The following SMOC2 variants were observed in gnomAD, a reference collection of about 807,000 sequenced individuals.
SMOC2 encodes the protein SPARC-related modular calcium-binding protein 2.
In SMOC2, 39 loss-of-function variants were observed where a neutral mutation model predicts 61.4. The ratio of observed to expected loss-of-function variants is 0.64; its 90% confidence interval spans 0.49 to 0.83. SMOC2 has a LOEUF of 0.83. Ranked by LOEUF, SMOC2 falls within the 40% of genes least tolerant of loss-of-function variation. The pLI, the probability that SMOC2 is intolerant of heterozygous loss-of-function variation, is 0.00. For missense variants in SMOC2, 556 were observed against 592.9 expected (o/e 0.94, Z 0.65); for synonymous variants, 247 against 239.9 (o/e 1.03, Z -0.27).
chr6:168,592,392 G>A (rs377538391), intron 7 of SMOC2, among the ~76,000 whole-genome samples: 8,062 of 97,398 alleles, frequency 0.083, 158 homozygotes, highest in East Asian at 0.15. Context: ...GAGGATCTCC[G>A]AGCTCCTCCT....
At chr6:168,491,887 AAGTG>A (rs1782476839) in intron 1 of SMOC2, among the ~76,000 whole-genome samples, 1 of 152,220 alleles carries the variant, frequency 6.6e-6, no homozygotes, top group Admixed American at 6.5e-5. Context: ...TCTCTGGAAT[AAGTG>A]CAGGTATCGC....
intron 7 of SMOC2, among the ~76,000 whole-genome samples, chr6:168,569,857 G>A (rs1562353980): frequency 6.6e-6 from 1 of 152,146 alleles, no homozygotes; most frequent in East Asian, 1.9e-4. Context: ...TCCACTTTGA[G>A]GAAGTCCCGT....
intron 1 of SMOC2, among the ~76,000 whole-genome samples, chr6:168,447,984 T>G (rs960438503): frequency 1.2e-4 from 18 of 152,292 alleles, no homozygotes; most frequent in African/African-American, 4.1e-4. Context: ...GGACATTTGA[T>G]TTCTTCTTGG....
chr6:168,660,611 C>T (rs958882206), intron 11 of SMOC2, among the ~76,000 whole-genome samples: 4 of 152,236 alleles, frequency 2.6e-5, no homozygotes, highest in East Asian at 1.9e-4. Flanking sequence ...GCCACCATGC[C>T]GCCCTGGGCG....
intron 2 of SMOC2, among the ~76,000 whole-genome samples, chr6:168,514,028 C>T (rs1317231557): frequency 2.6e-5 from 4 of 152,212 alleles, no homozygotes; most frequent in South Asian, 2.1e-4. Context: ...GGGCACACAG[C>T]GGGGTGCACA....
chr6:168,526,230 C>T (rs1295404540), intron 2 of SMOC2, 116 bp from the exon 3 acceptor site: 2 of 880,956 alleles, frequency 2.3e-6, no homozygotes, highest in African/African-American at 3.3e-5. Context: ...CCTTTCCAGC[C>T]TCCAGGTCCT....
intron 1 of SMOC2, among the ~76,000 whole-genome samples, chr6:168,447,739 G>A (rs1479282482): frequency 1.3e-5 from 2 of 151,940 alleles, no homozygotes; most frequent in African/African-American, 2.4e-5. Context: ...GAGCCCTTGA[G>A]TGCAGGTCAC....
intron 9 of SMOC2, among the ~76,000 whole-genome samples, chr6:168,625,666 C>T (rs564189597): frequency 2.0e-5 from 3 of 152,314 alleles, no homozygotes; most frequent in African/African-American, 4.8e-5. Flanking sequence ...TACGATTCTT[C>T]GAGGGCGTAT....
At chr6:168,518,968 C>T (rs887745630) in intron 2 of SMOC2, among the ~76,000 whole-genome samples, 2 of 142,156 alleles carry the variant, frequency 1.4e-5, no homozygotes, top group Non-Finnish European at 1.5e-5. Flanking sequence ...TATCCGTGCA[C>T]GCGTGTGTAT....
intron 1 of SMOC2, among the ~76,000 whole-genome samples, chr6:168,499,896 A>G (rs898657447): frequency 6.6e-6 from 1 of 152,204 alleles, no homozygotes; most frequent in African/African-American, 2.4e-5. Context: ...TGGACTAATG[A>G]TAGCATTTAA....
chr6:168,525,819 G>A (rs1036499278), intron 2 of SMOC2, among the ~76,000 whole-genome samples: 2 of 152,204 alleles, frequency 1.3e-5, no homozygotes, highest in Non-Finnish European at 2.9e-5. Context: ...CTGGGCTGCA[G>A]CTGTGGTTGG....
At chr6:168,618,740 C>G (rs1786167571) in intron 9 of SMOC2, among the ~76,000 whole-genome samples, 1 of 152,238 alleles carries the variant, frequency 6.6e-6, no homozygotes, top group South Asian at 2.1e-4. Flanking sequence ...ACGGTGCGCT[C>G]AGGACATCAG....
chr6:168,618,894 A>G (rs977975672), intron 9 of SMOC2, among the ~76,000 whole-genome samples: 7 of 151,998 alleles, frequency 4.6e-5, no homozygotes, highest in African/African-American at 1.5e-4. Flanking sequence ...TACTCCACAG[A>G]CTCCACTAAA....
intron 7 of SMOC2, among the ~76,000 whole-genome samples, chr6:168,559,516 G>A (rs909530513): frequency 2.0e-5 from 3 of 152,040 alleles, no homozygotes; most frequent in Admixed American, 1.3e-4. Context: ...CATAGTAGAA[G>A]AGATTTCACT....
intron 11 of SMOC2, among the ~76,000 whole-genome samples, chr6:168,656,308 C>T (rs1787320811): frequency 6.6e-6 from 1 of 151,898 alleles, no homozygotes; most frequent in Admixed American, 6.6e-5. Flanking sequence ...GTCAGAAGTT[C>T]AAAGTCAGCC....
intron 9 of SMOC2, among the ~76,000 whole-genome samples, chr6:168,613,427 C>G (rs1193632459): frequency 6.6e-6 from 1 of 152,118 alleles, no homozygotes; most frequent in Non-Finnish European, 1.5e-5. Flanking sequence ...TGCCCTGTAC[C>G]CCAAGCCAGG....
At chr6:168,538,898 G>A (rs1177697273) in intron 4 of SMOC2, among the ~76,000 whole-genome samples, 1 of 152,068 alleles carries the variant, frequency 6.6e-6, no homozygotes, top group Admixed American at 6.5e-5. Context: ...AGAGGAGAGG[G>A]CTGCTGACCA....
chr6:168,528,211 A>C (rs1783500369), intron 4 of SMOC2, among the ~76,000 whole-genome samples: 1 of 152,096 alleles, frequency 6.6e-6, no homozygotes, highest in Non-Finnish European at 1.5e-5. Flanking sequence ...TTGATGTACT[A>C]AAAGTAATAA....
chr6:168,582,496 G>T (rs1008013688), intron 7 of SMOC2, among the ~76,000 whole-genome samples: 1 of 152,186 alleles, frequency 6.6e-6, no homozygotes, highest in African/African-American at 2.4e-5. Context: ...AGCAAAGGAG[G>T]CCGAGGGAGT....
Sources: gnomAD v4.1 joint callset for allele counts (sites outside exome capture counted in the v4.1 genomes callset) on GRCh38, gnomAD v4.1.1 for gene constraint, MANE v1.5 for transcripts, NCBI Gene and HGNC (gene_info 2026-07-23, HGNC 2026-07-21) for gene names.